Variants in SPATC1 observed in about 807,000 individuals in gnomAD.
SPATC1 encodes spermatogenesis and centriole associated 1, also known as speriolin.
SPATC1 carries 35 observed loss-of-function variants against 36.5 expected under a neutral mutation model. The ratio of observed to expected loss-of-function variants is 0.96; its 90% CI spans 0.73 to 1.27. The LOEUF is 1.27. SPATC1 is among the 50% of genes most tolerant of loss of function. The pLI is 0.00. For synonymous variants in SPATC1, 361 were observed against 353.6 expected (o/e 1.02, Z -0.24); for missense variants, 779 against 796.0 (o/e 0.98, Z 0.26).
chr8:144,026,337 T>G (rs1232176859), intron 1 of SPATC1, among the ~76,000 whole-genome samples: 11 of 152,256 alleles, frequency 7.2e-5, no homozygotes, highest in African/African-American at 2.4e-4. Flanking sequence ...TATTACATTT[T>G]GTTTATTCAT....
At chr8:144,037,678 G>A (rs556028886) in intron 1 of SPATC1, among the ~76,000 whole-genome samples, 3,769 of 151,956 alleles carry the variant, frequency 0.025, 51 homozygotes, top group Non-Finnish European at 0.04. Flanking sequence ...GTGGAAGGCC[G>A]CAGGGTCCTC....
chr8:144,036,978 G>A (rs921034808), intron 1 of SPATC1, among the ~76,000 whole-genome samples: 3 of 151,778 alleles, frequency 2.0e-5, no homozygotes, highest in Non-Finnish European at 2.9e-5. Flanking sequence ...CGTGACAAGT[G>A]GCAAGGTACA....
chr8:144,034,326 G>T (rs927664416), intron 1 of SPATC1, among the ~76,000 whole-genome samples: 1 of 152,188 alleles, frequency 6.6e-6, no homozygotes, highest in African/African-American at 2.4e-5. Context: ...AGCCTTGCCC[G>T]TAAGGGCCTG....
At position 144,040,856 on chromosome 8, in the gene SPATC1, C is replaced by T; in HGVS notation, c.1055C>T (p.Ser352Leu). ...APQVATSYTP[S>L]STTHIAQGAP... ...CAGGTTGCCACCAGCTACACACCCT[C>T]AAGCACCACCCACATCGCCCAGGGT... The change falls in exon 3 of 5, where the codon TCA (serine) becomes TTA (leucine). Residue 352 changes from serine to leucine, a missense_variant. Transcript: ENST00000377470. 1 of 1,588,278 alleles carries T rather than the reference C, an allele frequency of 6.3e-7. No individual in the cohort carries two copies. The highest frequency in any genetic ancestry group is 1.1e-5 in the South Asian group (1 of 87,140).
Position 144,046,306 on chromosome 8 carries a change from G to A in SPATC1, c.1447-321G>A, listed in dbSNP as rs1179469477. ...CGCCCCCTGCCCTCAGTCCCTGGAG[G>A]CCTCAGCCCAGTTGCACTCCCTGGT... On this transcript the variant is annotated intron_variant, in intron 4 of 4. Coordinates refer to ENST00000377470, the MANE Select transcript of SPATC1 (RefSeq NM_198572.3). The surrounding 1 kb of genome is among the most constrained non-coding windows in gnomAD (Gnocchi z 6.6). Among the ~76,000 whole-genome samples the A allele has an allele frequency of 2.0e-5, 3 of 152,140 alleles. No individual in the cohort carries two copies. The highest frequency in any genetic ancestry group is 4.4e-5 in the Non-Finnish European group (3 of 67,998).
chr8:144,039,992 G>A lies in SPATC1; in HGVS notation c.295G>A (p.Glu99Lys), dbSNP rs782625052. ...GATCATGGCCTTGGCACCCCTGGCCGAGATGCTAACCAGCTTGCAGCCCAG... is the reference window on the plus strand; with the variant it reads ...GATCATGGCCTTGGCACCCCTGGCCAAGATGCTAACCAGCTTGCAGCCCAG... ...VGIMALAPLA[E>K]MLTSLQPSAT... The change falls in exon 2 of 5, where the codon GAG becomes AAG. Residue 99 changes from glutamate to lysine, a missense_variant. By Grantham distance (56) the Glu-to-Lys change is moderately conservative. Transcript: ENST00000377470. The A allele has an allele frequency of 9.3e-6, 15 of 1,613,846 alleles. No homozygotes were observed. The highest frequency in any genetic ancestry group is 6.7e-5 in the African/African-American group (5 of 74,924).
intron 1 of SPATC1, among the ~76,000 whole-genome samples, chr8:144,019,242 T>C (rs1039527921): frequency 1.2e-4 from 18 of 152,108 alleles, no homozygotes; most frequent in Non-Finnish European, 1.9e-4. Flanking sequence ...GTGCCGAGGA[T>C]GGCTCAGCAA....
Position 144,046,923 on chromosome 8 carries a change from G to A in SPATC1, c.1743G>A (p.Ala581=), listed in dbSNP as rs782235550. 23 of 1,598,390 alleles carry A rather than the reference G, an allele frequency of 1.4e-5. No homozygotes were observed. Among genetic ancestry groups the A allele is most frequent in the East Asian group, 2.2e-5 (1 of 44,868 alleles). ...LLLLSCLSQL[A]HDDGKPMFIW ...TGCTCTCCTGCCTCAGCCAGCTGGC[G>A]CACGATGACGGCAAGCCCATGTTCA... Residue 581 remains alanine (A), a synonymous_variant, in exon 5 of 5, where the codon GCG becomes GCA. Coordinates refer to ENST00000377470, the MANE Select transcript of SPATC1 (RefSeq NM_198572.3). This position sits in a 1 kb window ranked among gnomAD's most constrained non-coding sequence, Gnocchi z 6.6.
At chr8:144,039,821 C>G (rs183551771) in intron 1 of SPATC1, 88 bp from the exon 2 acceptor site, 11 of 1,396,200 alleles carry the variant, frequency 7.9e-6, no homozygotes, top group Non-Finnish European at 8.9e-6. Context: ...TATGGCCAGG[C>G]CCTACCACAG....
At position 144,046,649 on chromosome 8, in the gene SPATC1, A is replaced by G. The variant is rs1554756805; in HGVS notation, c.1469A>G (p.His490Arg). The part of the protein sequence containing the change: ...IIQASLNPSD[H>R]KLDEKLCQRL... ...CAGGCTTCCCTGAACCCCAGTGACC[A>G]CAAGCTGGATGAGAAGCTGTGCCAG... Residue 490 changes from histidine to arginine, a missense_variant, in exon 5 of 5, where the codon CAC (histidine) becomes CGC (arginine). By Grantham distance (29) the His-to-Arg change is conservative. Coordinates refer to ENST00000377470, the MANE Select transcript of SPATC1 (RefSeq NM_198572.3). This position sits in a 1 kb window ranked among gnomAD's most constrained non-coding sequence, Gnocchi z 6.6. 6.2e-7 allele frequency: 1 copy of G among 1,610,824 alleles called. No individual in the cohort carries two copies. The highest frequency in any genetic ancestry group is 1.7e-5 in the Admixed American group (1 of 60,002).
intron 1 of SPATC1, among the ~76,000 whole-genome samples, chr8:144,022,732 C>T (rs1410036056): frequency 2.6e-5 from 4 of 151,086 alleles, no homozygotes; most frequent in African/African-American, 9.8e-5. Flanking sequence ...AAACTCTCCC[C>T]TCAGGACCCT....
upstream of SPATC1, among the ~76,000 whole-genome samples, chr8:144,011,661 TC>T (rs1194400969): frequency 6.6e-6 from 1 of 152,076 alleles, no homozygotes; most frequent in African/African-American, 2.4e-5. This position sits in a 1 kb window ranked among gnomAD's most constrained non-coding sequence, Gnocchi z 4.5. Flanking sequence ...AGTCCTGAGT[TC>T]TTAGAACCAG....
Position 144,040,728 on chromosome 8 carries a change from G to A in SPATC1, c.927G>A (p.Gln309=). ...TCAACACTTCGGACACACAGGCCCA[G>A]CCCAGTGCCGCCCAGGAACAAGTGG... ...FSFNTSDTQA[Q]PSAAQEQVVP... is the part of the protein sequence containing the mutation. The change falls in exon 3 of 5, where the codon CAG becomes CAA. Residue 309 remains glutamine (Q), a synonymous_variant. Coordinates refer to ENST00000377470, the MANE Select transcript of SPATC1 (RefSeq NM_198572.3). 6.2e-7 allele frequency: 1 copy of A among 1,613,172 alleles called. No individual in the cohort carries two copies. Among genetic ancestry groups the A allele is most frequent in the Non-Finnish European group, 8.5e-7 (1 of 1,179,814 alleles).
chr8:144,033,233 T>C (rs991641273), intron 1 of SPATC1, among the ~76,000 whole-genome samples: 6 of 152,212 alleles, frequency 3.9e-5, no homozygotes, highest in African/African-American at 1.4e-4. Flanking sequence ...CTGTCTCTAC[T>C]AAAAATACAA....
chr8:144,032,364 G>A (rs1435512704), intron 1 of SPATC1, among the ~76,000 whole-genome samples: 8 of 152,032 alleles, frequency 5.3e-5, no homozygotes, highest in South Asian at 4.1e-4. Context: ...TGCAATCTCC[G>A]CCTTTCGGGT....
At chr8:144,014,468 AAAG>A (rs1834343755) in intron 1 of SPATC1, among the ~76,000 whole-genome samples, 2 of 152,044 alleles carry the variant, frequency 1.3e-5, no homozygotes, top group South Asian at 2.1e-4. Context: ...AAACAAAAGA[AAAG>A]AAGAAGGAAG....
At chr8:144,012,960 C>T (rs144427560) in intron 1 of SPATC1, among the ~76,000 whole-genome samples, 129 of 152,224 alleles carry the variant, frequency 8.5e-4, no homozygotes, top group Admixed American at 1.4e-3. Context: ...CCCACCCCTG[C>T]GGTGACCTGC....
chr8:144,046,869 C>A lies in SPATC1; in HGVS notation c.1689C>A (p.His563Gln), dbSNP rs373743626. Residue 563 changes from histidine to glutamine, a missense_variant, in exon 5 of 5, where the codon CAC becomes CAA. Physicochemically the swap from His to Gln is conservative, Grantham distance 24 (BLOSUM62 0). Transcript: ENST00000377470. The surrounding 1 kb of genome is among the most constrained non-coding windows in gnomAD (Gnocchi z 6.6). ...FLQRVVVETV[H>Q]PGMLADALLL... ...AGCGTGTGGTGGTGGAGACCGTGCA[C>A]CCCGGCATGCTCGCCGACGCGCTGC... 6.2e-7 allele frequency: 1 copy of A among 1,600,834 alleles called. No individual in the cohort carries two copies. The highest frequency in any genetic ancestry group is 1.3e-5 in the African/African-American group (1 of 75,054).
chr8:144,028,052 A>G (rs1331184184), intron 1 of SPATC1, among the ~76,000 whole-genome samples: 1 of 152,124 alleles, frequency 6.6e-6, no homozygotes, highest in Non-Finnish European at 1.5e-5. Context: ...ACAAAAATTA[A>G]CTCAAGATGG....
Sources: allele counts gnomAD v4.1 joint callset (sites outside exome capture counted in the v4.1 genomes callset), GRCh38; gene constraint gnomAD v4.1.1; non-coding constraint Gnocchi (gnomAD v3.1); transcripts MANE v1.5; gene names NCBI Gene and HGNC (gene_info 2026-07-23, HGNC 2026-07-21).